DCC: variants seen among roughly 807,000 people sequenced by gnomAD.
DCC encodes netrin receptor DCC.
Under a neutral mutation model 172.5 loss-of-function variants are expected in DCC, and 58 were observed. That is an observed-to-expected ratio of 0.34 (90% CI 0.27 to 0.42). DCC has a LOEUF of 0.42. Among genes scored for constraint, DCC ranks in the 10% least tolerant of loss-of-function variants. The pLI is 1.00. For missense variants in DCC, 1,740 were observed against 1,791.0 expected (o/e 0.97, Z 0.51); for synonymous variants, 709 against 644.5 (o/e 1.10, Z -1.52).
chr18:52,717,489 C>T (rs1399246006), intron 1 of DCC, among the ~76,000 whole-genome samples: 4 of 148,008 alleles, frequency 2.7e-5, no homozygotes, highest in Admixed American at 1.4e-4. Context: ...TTCTGCTACC[C>T]CCAGCCCAGT....
At chr18:52,546,398 T>C (rs113163205) in intron 1 of DCC, among the ~76,000 whole-genome samples, 10 of 151,930 alleles carry the variant, frequency 6.6e-5, no homozygotes, top group Admixed American at 2.0e-4. Flanking sequence ...ACAAATAACA[T>C]ATATGTAGGG....
rs373938686 is a variant in DCC, at chr18:52,536,918, AC to A, written c.91+196042del. Among the ~76,000 whole-genome samples the A allele has an allele frequency of 4.7e-3, 715 of 152,284 alleles. 11 individuals are homozygous for A. The highest frequency in any genetic ancestry group is 0.017 in the African/African-American group (688 of 41,564). ...GTGGCCAATTATATTCTTTCTGAGA[AC>A]CAGTTTAGTTATTATTTTCTTCATG... On this transcript the variant is annotated intron_variant, in intron 1 of 28. Coordinates refer to ENST00000442544, the MANE Select transcript of DCC (RefSeq NM_005215.4).
intron 1 of DCC, among the ~76,000 whole-genome samples, chr18:52,610,486 T>C (rs1195439488): frequency 6.8e-6 from 1 of 148,076 alleles, no homozygotes; most frequent in Non-Finnish European, 1.5e-5. Flanking sequence ...TGGTGTATAC[T>C]GGGTAAGACT....
chr18:52,563,186 G>A (rs1447588637), intron 1 of DCC, among the ~76,000 whole-genome samples: 5 of 151,910 alleles, frequency 3.3e-5, no homozygotes, highest in African/African-American at 1.2e-4. Flanking sequence ...TCTAAAGCTG[G>A]GTCTATCTGG....
At chr18:52,808,457 G>T (rs2038129733) in intron 2 of DCC, among the ~76,000 whole-genome samples, 1 of 148,334 alleles carries the variant, frequency 6.7e-6, no homozygotes, top group Admixed American at 6.7e-5. Flanking sequence ...ATCATAGATT[G>T]AACTATAAAT....
chr18:53,422,389 A>T (rs747510079), intron 21 of DCC, among the ~76,000 whole-genome samples: 2 of 152,106 alleles, frequency 1.3e-5, no homozygotes, highest in Non-Finnish European at 2.9e-5. Flanking sequence ...ATTCACCTCT[A>T]TGTATCTTTA....
intron 5 of DCC, among the ~76,000 whole-genome samples, chr18:53,019,460 G>A (rs1272578837): frequency 1.3e-5 from 2 of 151,990 alleles, no homozygotes; most frequent in East Asian, 1.9e-4. Flanking sequence ...AAACTCACTG[G>A]TACTCATATC....
At chr18:53,126,372 T>C (rs889043776) in intron 7 of DCC, among the ~76,000 whole-genome samples, 1 of 152,128 alleles carries the variant, frequency 6.6e-6, no homozygotes, top group African/African-American at 2.4e-5. Flanking sequence ...TGGAGTGAGA[T>C]AGTCCACAGA....
intron 8 of DCC, among the ~76,000 whole-genome samples, chr18:53,166,908 TTATCACTCTGC>T (rs1227664164): frequency 2.0e-5 from 3 of 152,182 alleles, no homozygotes; most frequent in Admixed American, 6.5e-5. Context: ...ATTTGGGTGG[TTATCACTCTGC>T]TATCACTTTG....
chr18:52,531,337 A>G (rs974958396), intron 1 of DCC, among the ~76,000 whole-genome samples: 1 of 152,198 alleles, frequency 6.6e-6, no homozygotes, highest in African/African-American at 2.4e-5. Flanking sequence ...ATCCTCTAGA[A>G]ATCCTTAAAA....
rs2039885415 is a variant in DCC, at chr18:52,906,536, T to G, written c.697+208T>G. ...TTTTTTTTTTCATGTCTTGTTGAAG[T>G]TTCTGGAAAAACAGTTATCTCTCCT... On this transcript the variant is annotated intron_variant, in intron 3 of 28. Transcript: ENST00000442544. Among the ~76,000 whole-genome samples the G allele has an allele frequency of 6.6e-5, 10 of 151,750 alleles. No individual in the cohort carries two copies. In the South Asian group the frequency reaches 2.1e-3, roughly 32 times the overall value.
intron 11 of DCC, 121 bp downstream of exon 11, chr18:53,207,938 C>T (rs2055679127): frequency 2.3e-6 from 2 of 874,072 alleles, no homozygotes; most frequent in Admixed American, 3.6e-5. Flanking sequence ...ATTTTATGGA[C>T]TATTACAGTT....
At chr18:53,127,177 A>AT (rs1004120812) in intron 7 of DCC, among the ~76,000 whole-genome samples, 19 of 134,062 alleles carry the variant, frequency 1.4e-4, no homozygotes, top group East Asian at 8.6e-4. Context: ...TTCATTTTTA[A>AT]TTTTTTTTTG....
chr18:53,486,752 G>A, intron 25 of DCC, 45 bp from the exon 26 acceptor site: 10 of 1,613,754 alleles, frequency 6.2e-6, no homozygotes, highest in Non-Finnish European at 8.5e-6. Flanking sequence ...CTTGTTGAGT[G>A]AATACATAAG....
chr18:53,512,467 CTT>C (rs2046269347), intron 27 of DCC, among the ~76,000 whole-genome samples: 1 of 150,564 alleles, frequency 6.6e-6, no homozygotes, highest in South Asian at 2.1e-4. Context: ...TGGAGAATGA[CTT>C]TGACGAGCTG....
intron 2 of DCC, among the ~76,000 whole-genome samples, chr18:52,780,016 T>C (rs2037505654): frequency 6.6e-6 from 1 of 152,116 alleles, no homozygotes; most frequent in South Asian, 2.1e-4. Flanking sequence ...TTTACAGTTT[T>C]GGGATTTCCA....
At chr18:52,713,237 A>G (rs1045483032) in intron 1 of DCC, among the ~76,000 whole-genome samples, 6 of 152,170 alleles carry the variant, frequency 3.9e-5, no homozygotes, top group Non-Finnish European at 7.3e-5. Context: ...TAGCCAAGGG[A>G]AAAAGGACAA....
intron 7 of DCC, among the ~76,000 whole-genome samples, chr18:53,083,151 T>C (rs1360488662): frequency 6.6e-6 from 1 of 152,212 alleles, no homozygotes; most frequent in Non-Finnish European, 1.5e-5. Context: ...CAATTTTCTG[T>C]TCCCAAAGCT....
chr18:52,587,856 G>C (rs2033711425), intron 1 of DCC, among the ~76,000 whole-genome samples: 1 of 152,140 alleles, frequency 6.6e-6, no homozygotes, highest in Non-Finnish European at 1.5e-5. Context: ...GAGGCCATTG[G>C]TACAGGCTGG....
Sources: gnomAD v4.1 joint callset for allele counts (sites outside exome capture counted in the v4.1 genomes callset) on GRCh38, gnomAD v4.1.1 for gene constraint, MANE v1.5 for transcripts, NCBI Gene and HGNC (gene_info 2026-07-23, HGNC 2026-07-21) for gene names.